The following PDS5A variants were observed in gnomAD, a reference collection of about 807,000 sequenced individuals.
PDS5A encodes sister chromatid cohesion protein PDS5 homolog A.
PDS5A carries 42 observed loss-of-function variants against 167.1 expected under a neutral mutation model. That is an observed-to-expected ratio of 0.25 (90% CI 0.20 to 0.33). The LOEUF (loss-of-function observed/expected upper bound fraction) is 0.33. Ranked by LOEUF, PDS5A falls within the 10% of genes least tolerant of loss-of-function variation. PDS5A has a pLI of 1.00. For missense variants in PDS5A, 1,033 were observed against 1,605.9 expected (o/e 0.64, Z 6.10); for synonymous variants, 553 against 554.6 (o/e 1.00, Z 0.04).
intron 19 of PDS5A, 102 bp downstream of exon 19, chr4:39,876,891 C>T (rs1578652409): frequency 1.2e-6 from 1 of 828,358 alleles, no homozygotes; most frequent in East Asian, 2.8e-5. Context: ...TCAAAGTTGT[C>T]TTTCTTCCCT....
At chr4:39,841,922 T>A in intron 31 of PDS5A, 26 bp downstream of exon 31, 1 of 1,258,616 alleles carries the variant, frequency 7.9e-7, no homozygotes, top group African/African-American at 1.5e-5. Flanking sequence ...ATGGAAAAAA[T>A]CCACTTGTTA....
intron 22 of PDS5A, among the ~76,000 whole-genome samples, chr4:39,867,914 T>C (rs145730483): frequency 1.6e-4 from 24 of 152,308 alleles, no homozygotes; most frequent in African/African-American, 5.5e-4. Context: ...GGATTTTGTG[T>C]AATTATTGGT....
intron 2 of PDS5A, among the ~76,000 whole-genome samples, chr4:39,970,659 T>G (rs1351336575): frequency 6.6e-6 from 1 of 151,894 alleles, no homozygotes; most frequent in Non-Finnish European, 1.5e-5. Context: ...GCCCTGTGAC[T>G]GATTTTGGTA....
intron 11 of PDS5A, among the ~76,000 whole-genome samples, chr4:39,905,098 G>GA (rs1723217743): frequency 6.6e-6 from 1 of 151,836 alleles, no homozygotes; most frequent in Non-Finnish European, 1.5e-5. Context: ...CAGGACTTGG[G>GA]GAACTGACTA....
At chr4:39,901,266 CTTTTTTT>C (rs772230554) in intron 13 of PDS5A, among the ~76,000 whole-genome samples, 7 of 121,282 alleles carry the variant, frequency 5.8e-5, no homozygotes, top group Non-Finnish European at 1.0e-4. Context: ...TCTTTTCTTT[CTTTTTTT>C]TTTTTTTTTT....
At chr4:39,935,008 G>A (rs1283384561) in intron 2 of PDS5A, among the ~76,000 whole-genome samples, 1 of 151,972 alleles carries the variant, frequency 6.6e-6, no homozygotes, top group Admixed American at 6.6e-5. Flanking sequence ...AATTGATGAA[G>A]GATTTAACGT....
intron 2 of PDS5A, among the ~76,000 whole-genome samples, chr4:39,959,634 A>G (rs772832297): frequency 5.9e-5 from 9 of 152,104 alleles, no homozygotes; most frequent in Non-Finnish European, 8.8e-5. Flanking sequence ...CACCACACCC[A>G]GCAAGGCATT....
intron 19 of PDS5A, among the ~76,000 whole-genome samples, chr4:39,876,124 A>C (rs1720441686): frequency 6.6e-6 from 1 of 152,088 alleles, no homozygotes; most frequent in African/African-American, 2.4e-5. Flanking sequence ...TTCCTCTAAG[A>C]ATAGTTTCTT....
In PDS5A at chr4:39,841,949, TTATTCTTTACTGGGTCAA is replaced by T. The variant is rs1717070187; in HGVS notation, c.3638_3655del (p.Ile1213_Asn1218del). 1 of 1,519,708 alleles carries T rather than the reference TTATTCTTTACTGGGTCAA, an allele frequency of 6.6e-7. No individual in the cohort carries two copies. The highest frequency in any genetic ancestry group is 1.7e-5 in the Admixed American group (1 of 59,084). The allele number at this position is 1,519,708 out of a possible 1,614,324, so 94.1% of individuals were successfully genotyped here. A position where few individuals can be genotyped will look rare whatever the true frequency, so the allele number is the denominator to read the frequency against. On this transcript the variant is annotated inframe_deletion and splice_region_variant, in exon 31 of 33. Coordinates refer to ENST00000303538, the MANE Select transcript of PDS5A (RefSeq NM_001100399.2). ...CACTTGTTAAATTTTAAAATTTACC[TTATTCTTTACTGGGTCAA>T]TATTCTTTACAGGTGTGACTGAAAT...
intron 2 of PDS5A, among the ~76,000 whole-genome samples, chr4:39,962,068 T>C (rs1164625153): frequency 6.6e-6 from 1 of 151,878 alleles, no homozygotes; most frequent in African/African-American, 2.4e-5. Context: ...TTTTTGTTTT[T>C]TTTTTTTGAG....
intron 5 of PDS5A, among the ~76,000 whole-genome samples, chr4:39,923,894 C>T (rs763528715): frequency 1.6e-4 from 24 of 152,060 alleles, no homozygotes; most frequent in Admixed American, 4.6e-4. Flanking sequence ...TGTATCCTTG[C>T]CACTAGAAGT....
chr4:39,973,866 C>G (rs891251726), intron 2 of PDS5A: 1 of 824,114 alleles, frequency 1.2e-6, no homozygotes, highest in African/African-American at 1.7e-5. Flanking sequence ...TGGCTCACGC[C>G]TGTAATCCCA....
At position 39,900,470 on chromosome 4, in the gene PDS5A, G is replaced by A; in HGVS notation, c.1537C>T (p.Arg513Trp). 12 of 1,584,560 alleles carry A rather than the reference G, an allele frequency of 7.6e-6. No homozygotes were observed. The highest frequency in any genetic ancestry group is 1.0e-5 in the Non-Finnish European group (12 of 1,163,468). The change falls in exon 14 of 33, where the codon CGG (arginine) becomes TGG (tryptophan). Residue 513 changes from arginine to tryptophan, a missense_variant. This residue lies in a region of PDS5A where 45 missense variants were observed against 40.2 expected (regional missense o/e 1.12). Transcript: ENST00000303538. Reference sequence around the variant, plus strand: ...TCCAATAGTTCGCGTACATGGCTCCGAAGCATGTTCTGACACTTCCACATT... The same window carrying A: ...TCCAATAGTTCGCGTACATGGCTCCAAAGCATGTTCTGACACTTCCACATT... ...NEMWKCQNML[R>W]SHVRELLDLH...
At chr4:39,912,960 T>C (rs1200169349) in intron 9 of PDS5A, among the ~76,000 whole-genome samples, 5 of 152,132 alleles carry the variant, frequency 3.3e-5, no homozygotes. Flanking sequence ...CACTAGTAAA[T>C]GAAAAAGTTG....
chr4:39,844,743 T>G lies in PDS5A; in HGVS notation c.3461A>C (p.Lys1154Thr). 6.2e-7 allele frequency: 1 copy of G among 1,613,586 alleles called. No homozygotes were observed. The highest frequency in any genetic ancestry group is 1.3e-5 in the African/African-American group (1 of 75,018). The change falls in exon 30 of 33, where the codon AAA becomes ACA. Residue 1154 changes from lysine (K) to threonine (T), a missense_variant. Transcript: ENST00000303538. ...AGTGCCAGTGCTTCTAACATAGGGT[T>G]TCCTTCCCGTTGCTGATAAAGGCTT... Reference protein sequence around the residue: ...VNKPLSATGRKPYVRSTGTET... With the variant: ...VNKPLSATGRTPYVRSTGTET...
intron 2 of PDS5A, among the ~76,000 whole-genome samples, chr4:39,935,987 T>A (rs1726560169): frequency 6.6e-6 from 1 of 152,194 alleles, no homozygotes; most frequent in Admixed American, 6.5e-5. Flanking sequence ...GGTAAATGGA[T>A]AAATCCATTG....
At chr4:39,857,776 G>T (rs1718657017) in intron 26 of PDS5A, among the ~76,000 whole-genome samples, 1 of 152,074 alleles carries the variant, frequency 6.6e-6, no homozygotes, top group Non-Finnish European at 1.5e-5. Flanking sequence ...GAACTGAAGG[G>T]AGAAATAGTG....
chr4:39,842,756 TTATTA>T (rs1209271737), intron 30 of PDS5A, among the ~76,000 whole-genome samples: 3 of 151,488 alleles, frequency 2.0e-5, no homozygotes, highest in African/African-American at 7.3e-5. Flanking sequence ...ATATGTACAA[TTATTA>T]TATATCAAAA....
chr4:39,924,744 C>T (rs921896391), intron 5 of PDS5A, among the ~76,000 whole-genome samples: 1 of 152,164 alleles, frequency 6.6e-6, no homozygotes, highest in African/African-American at 2.4e-5. Flanking sequence ...TACTAGAAAA[C>T]TTATGTGAGG....
Sources: allele counts gnomAD v4.1 joint callset (sites outside exome capture counted in the v4.1 genomes callset), GRCh38; gene constraint gnomAD v4.1.1; regional missense constraint gnomAD v4.1.1; transcripts MANE v1.5; gene names NCBI Gene and HGNC (gene_info 2026-07-23, HGNC 2026-07-21).